NFIB: variants seen among roughly 807,000 people sequenced by gnomAD.
NFIB encodes nuclear factor 1 B-type.
In NFIB, 11 loss-of-function variants were observed where a neutral mutation model predicts 61.5. The observed-to-expected ratio is 0.18, with a 90% CI of 0.11 to 0.30. The LOEUF is 0.30. NFIB is among the 10% of genes least tolerant of loss of function. The pLI is 1.00. For missense variants in NFIB, 471 were observed against 608.9 expected (o/e 0.77, Z 2.38); for synonymous variants, 260 against 216.5 (o/e 1.20, Z -1.76).
chr9:14,183,619 G>T (rs1335417014), intron 2 of NFIB, among the ~76,000 whole-genome samples: 1 of 151,938 alleles, frequency 6.6e-6, no homozygotes, highest in Non-Finnish European at 1.5e-5. Flanking sequence ...TGGTCAGGCT[G>T]GTCTTGAACT....
At chr9:14,343,709 G>T (rs933383306) in intron 1 of NFIB, among the ~76,000 whole-genome samples, 2 of 152,020 alleles carry the variant, frequency 1.3e-5, no homozygotes, top group African/African-American at 4.8e-5. Flanking sequence ...AGGCTGGATT[G>T]GGAGACAGGG....
At chr9:14,299,222 T>C (rs966452764) in intron 2 of NFIB, among the ~76,000 whole-genome samples, 2 of 152,180 alleles carry the variant, frequency 1.3e-5, no homozygotes, top group East Asian at 1.9e-4. Flanking sequence ...AGCTCTACCA[T>C]TCCGTTAGCA....
At chr9:14,099,315 C>T (rs151140257) in intron 10 of NFIB, among the ~76,000 whole-genome samples, 25 of 152,260 alleles carry the variant, frequency 1.6e-4, no homozygotes, top group African/African-American at 5.8e-4. Flanking sequence ...GATGAACAGA[C>T]CTATATTTCT....
intron 1 of NFIB, among the ~76,000 whole-genome samples, chr9:14,331,934 G>A (rs1480295949): frequency 6.6e-6 from 1 of 152,164 alleles, no homozygotes; most frequent in Non-Finnish European, 1.5e-5. Context: ...AATAGGGTGA[G>A]AGATGATAAA....
intron 3 of NFIB, among the ~76,000 whole-genome samples, chr9:14,172,996 C>T (rs2045742008): frequency 6.6e-6 from 1 of 152,166 alleles, no homozygotes; most frequent in Non-Finnish European, 1.5e-5. Flanking sequence ...TCTCAAACTC[C>T]TGACCTTGTG....
At chr9:14,185,693 G>T (rs1044379195) in intron 2 of NFIB, among the ~76,000 whole-genome samples, 1 of 152,044 alleles carries the variant, frequency 6.6e-6, no homozygotes, top group Non-Finnish European at 1.5e-5. Context: ...AAGAAAGAAA[G>T]ACAAAGCATA....
At chr9:14,411,222 G>T in the NFIB span, among the ~76,000 whole-genome samples, 1 of 152,130 alleles carries the variant, frequency 6.6e-6, no homozygotes, top group Non-Finnish European at 1.5e-5. Flanking sequence ...AGTTTCAGTG[G>T]ACACACATTA....
chr9:14,122,076 T>A (rs903911661), intron 7 of NFIB, among the ~76,000 whole-genome samples: 1 of 150,426 alleles, frequency 6.6e-6, no homozygotes, highest in East Asian at 1.9e-4. Context: ...ATGTCTAATG[T>A]TTTATGAGAC....
chr9:14,367,018 T>C (rs1272142630), intron 1 of NFIB, among the ~76,000 whole-genome samples: 2 of 152,140 alleles, frequency 1.3e-5, no homozygotes, highest in Non-Finnish European at 2.9e-5. Flanking sequence ...AAACGCTAAA[T>C]GTAACACTTA....
chr9:14,206,512 G>A (rs533811992), intron 2 of NFIB, among the ~76,000 whole-genome samples: 38 of 151,808 alleles, frequency 2.5e-4, no homozygotes, highest in African/African-American at 9.2e-4. Context: ...TTCCTTTCAT[G>A]AGATTTTATG....
At chr9:14,489,570 A>G in the NFIB span, among the ~76,000 whole-genome samples, 1 of 152,152 alleles carries the variant, frequency 6.6e-6, no homozygotes, top group African/African-American at 2.4e-5. Flanking sequence ...TACACAAAAG[A>G]AGGACATTAA....
rs771277912 is a variant in NFIB at position 14,313,473 on chromosome 9, G to C, written c.30+9C>G. 8.7e-6 allele frequency: 14 copies of C among 1,613,918 alleles called. No individual in the cohort carries two copies. Among genetic ancestry groups the C allele is most frequent in the Non-Finnish European group, 1.2e-5 (14 of 1,179,896 alleles). ...AGAGAAAGCTCGAGAAAGCGACCGA[G>C]ACATGTACCTGAGTGAGACAGATGG... On this transcript the variant is annotated intron_variant, in intron 1 of 10. Coordinates refer to ENST00000380953, the MANE Select transcript of NFIB (RefSeq NM_001190737.2). This position sits in a 1 kb window ranked among gnomAD's most constrained non-coding sequence, Gnocchi z 4.5.
At chr9:14,355,622 CG>C (rs1160816899) in intron 1 of NFIB, among the ~76,000 whole-genome samples, 2 of 152,152 alleles carry the variant, frequency 1.3e-5, no homozygotes, top group Admixed American at 6.5e-5. Context: ...TGCAGTCACA[CG>C]GGATCCCATA....
intron 6 of NFIB, among the ~76,000 whole-genome samples, chr9:14,141,134 T>C (rs969936366): frequency 6.6e-6 from 1 of 152,202 alleles, no homozygotes; most frequent in African/African-American, 2.4e-5. Context: ...AACTGAAATT[T>C]AGCACAACAG....
chr9:14,368,538 G>C (rs1051070930), intron 1 of NFIB, among the ~76,000 whole-genome samples: 1 of 152,176 alleles, frequency 6.6e-6, no homozygotes, highest in Admixed American at 6.5e-5. Flanking sequence ...TCCTTGGAGT[G>C]GTACAGAGTG....
rs2038778841 is a variant in NFIB, at chr9:14,120,510, T to C, written c.1175A>G (p.His392Arg). The C allele has an allele frequency of 6.2e-7, 1 of 1,613,982 alleles. No homozygotes were observed. Among genetic ancestry groups the C allele is most frequent in the Non-Finnish European group, 8.5e-7 (1 of 1,179,984 alleles). Residue 392 changes from histidine (H) to arginine (R), a missense_variant, in exon 8 of 11, where the codon CAC (histidine) becomes CGC (arginine). This residue lies in a region of NFIB where 372 missense variants were observed against 395.6 expected (regional missense o/e 0.94). Transcript: ENST00000380953. This position sits in a 1 kb window ranked among gnomAD's most constrained non-coding sequence, Gnocchi z 4.4. Reference sequence around the variant, plus strand: ...CTTCAGAGTATCCTGAGGATTCAGGTGGGGAGGATATCTGATTGTTGGATG... The same window carrying C: ...CTTCAGAGTATCCTGAGGATTCAGGCGGGGAGGATATCTGATTGTTGGATG... The part of the protein sequence containing the change: ...FSHPTIRYPP[H>R]LNPQDTLKNY...
chr9:14,283,519 T>G (rs1318035832), intron 2 of NFIB, among the ~76,000 whole-genome samples: 1 of 152,224 alleles, frequency 6.6e-6, no homozygotes, highest in Non-Finnish European at 1.5e-5. Context: ...AGTTCACAGT[T>G]AAGGGCTCTG....
At chr9:14,193,750 A>G (rs1339860295) in intron 2 of NFIB, among the ~76,000 whole-genome samples, 2 of 152,234 alleles carry the variant, frequency 1.3e-5, no homozygotes, top group East Asian at 3.8e-4. Context: ...TCACATATGC[A>G]AACAGTACCA....
the NFIB span, among the ~76,000 whole-genome samples, chr9:14,478,736 ATT>A: frequency 6.6e-6 from 1 of 152,178 alleles, no homozygotes; most frequent in Non-Finnish European, 1.5e-5. Flanking sequence ...TATATTTAGC[ATT>A]TCTCTACAAT....
Sources: gnomAD v4.1 joint callset for allele counts (sites outside exome capture counted in the v4.1 genomes callset) on GRCh38, gnomAD v4.1.1 for gene constraint, gnomAD v4.1.1 regional missense constraint, Gnocchi (gnomAD v3.1) non-coding constraint, MANE v1.5 for transcripts, NCBI Gene and HGNC (gene_info 2026-07-23, HGNC 2026-07-21) for gene names.